The following TSPAN16 variants were observed in gnomAD, a reference collection of about 807,000 sequenced individuals.
The protein encoded by TSPAN16 is tetraspanin-16.
TSPAN16 carries 23 observed loss-of-function variants against 25.2 expected under a neutral mutation model. The observed-to-expected ratio is 0.91, with a 90% CI of 0.66 to 1.29. The LOEUF is 1.29. TSPAN16 is among the 50% of genes most tolerant of loss of function. The pLI, the probability that TSPAN16 is intolerant of heterozygous loss-of-function variation, is 0.00. For synonymous variants in TSPAN16, 123 were observed against 124.4 expected, an observed-to-expected ratio of 0.99 and a Z score of 0.08; for missense variants, 272 against 299.9, an observed-to-expected ratio of 0.91 and a Z score of 0.69.
intron 4 of TSPAN16, among the ~76,000 whole-genome samples, chr19:11,303,207 T>C (rs536753235): frequency 4.6e-4 from 67 of 144,746 alleles, no homozygotes; most frequent in Non-Finnish European, 7.7e-4. Context: ...TTTTGTTCTG[T>C]ACTAAGAAAA....
chr19:11,325,335 C>G (rs780133564), intron 6 of TSPAN16: 1 of 1,132,044 alleles, frequency 8.8e-7, no homozygotes, highest in Non-Finnish European at 1.3e-6. Context: ...CACTGTGGCT[C>G]ACGCCTCGAT....
chr19:11,315,785 T>A lies in TSPAN16; in HGVS notation c.688-6T>A, dbSNP rs2080743481. On this transcript the variant is annotated splice_region_variant and splice_polypyrimidine_tract_variant and intron_variant, in intron 6 of 6. Coordinates refer to ENST00000590327, the MANE Select transcript of TSPAN16 (RefSeq NM_001282509.2). ...GGATCCATGTTTCTTTCTTCACGCA[T>A]TTCAGTTGCCAGGAATTCTTGCCAC... 8.1e-7 allele frequency: 1 copy of A among 1,231,720 alleles called. No individual in the cohort carries two copies. The highest frequency in any genetic ancestry group is 1.6e-5 in the African/African-American group (1 of 64,376). The allele number at this position is 1,231,720 out of a possible 1,614,324, so 76.3% of individuals were successfully genotyped here. A position where few individuals can be genotyped will look rare whatever the true frequency, so the allele number is the denominator to read the frequency against.
intron 6 of TSPAN16, chr19:11,324,812 A>G (rs1291666973): frequency 6.6e-6 from 1 of 152,518 alleles, no homozygotes; most frequent in Non-Finnish European, 1.5e-5. Context: ...GGCTGCTTCA[A>G]TGCTGCTTTT....
At chr19:11,319,668 G>C (rs1222699627), downstream of TSPAN16, among the ~76,000 whole-genome samples, 2 of 152,080 alleles carry the variant, frequency 1.3e-5, no homozygotes, top group African/African-American at 2.4e-5. Context: ...CAGCCAAATG[G>C]AAGTGATAAA....
Position 11,314,581 on chromosome 19 carries a change from T to G in TSPAN16, c.688-1210T>G, listed in dbSNP as rs148452048. On this transcript the variant is annotated intron_variant, in intron 6 of 6. Coordinates refer to ENST00000590327, the MANE Select transcript of TSPAN16 (RefSeq NM_001282509.2). ...ATGTACTTGTAAACTATACAACACC[T>G]TCCTCCCCAAGGATCCCAGCAGGAA... Among the ~76,000 whole-genome samples, 20 of 152,206 alleles carry G rather than the reference T, an allele frequency of 1.3e-4. No homozygotes were observed. In the East Asian group the frequency reaches 3.9e-3, roughly 29 times the overall value.
intron 3 of TSPAN16, among the ~76,000 whole-genome samples, chr19:11,299,748 G>A (rs535417549): frequency 6.6e-6 from 1 of 152,238 alleles, no homozygotes; most frequent in Non-Finnish European, 1.5e-5. Flanking sequence ...GCCGAGGCAG[G>A]TGGATCACCT....
chr19:11,319,555 G>A (rs181224541), downstream of TSPAN16, among the ~76,000 whole-genome samples: 716 of 151,946 alleles, frequency 4.7e-3, 9 homozygotes, highest in Admixed American at 0.026. Context: ...CCGAGATCGC[G>A]CCACTGCACT....
downstream of TSPAN16, among the ~76,000 whole-genome samples, chr19:11,319,141 G>A (rs574541306): frequency 6.6e-6 from 1 of 152,324 alleles, no homozygotes; most frequent in Non-Finnish European, 1.5e-5. Flanking sequence ...TCACTTCAGA[G>A]GTATCAAGTA....
intron 6 of TSPAN16, among the ~76,000 whole-genome samples, chr19:11,314,304 T>C (rs914277468): frequency 1.3e-5 from 2 of 152,184 alleles, no homozygotes; most frequent in Admixed American, 6.6e-5. Flanking sequence ...CTAAAAACCA[T>C]TGAACTGTAT....
downstream of TSPAN16, among the ~76,000 whole-genome samples, chr19:11,316,396 A>G (rs537162723): frequency 4.4e-4 from 67 of 152,152 alleles, no homozygotes; most frequent in Non-Finnish European, 9.1e-4. Context: ...TTGGGATTAC[A>G]GGTGTAAGCC....
chr19:11,307,793 T>A (rs1345567760), intron 5 of TSPAN16: 1 of 152,198 alleles, frequency 6.6e-6, no homozygotes, highest in African/African-American at 2.4e-5. Flanking sequence ...GAGAAAGAAA[T>A]CAACTCTTAT....
chr19:11,313,524 C>T (rs1174796198), intron 6 of TSPAN16, among the ~76,000 whole-genome samples: 1 of 118,302 alleles, frequency 8.5e-6, no homozygotes, highest in Non-Finnish European at 1.6e-5. Flanking sequence ...AAGACTCTGT[C>T]TCAAAAAAAA....
intron 4 of TSPAN16, among the ~76,000 whole-genome samples, chr19:11,304,072 G>A (rs1313627319): frequency 6.6e-6 from 1 of 151,590 alleles, no homozygotes; most frequent in East Asian, 1.9e-4. Flanking sequence ...GTGAGCCACC[G>A]TGCACGGCCA....
intron 6 of TSPAN16, chr19:11,324,894 A>C (rs910843990): frequency 6.5e-6 from 1 of 152,692 alleles, no homozygotes; most frequent in Admixed American, 6.5e-5. Flanking sequence ...TCGTGGGGGC[A>C]GGCTCAGAGA....
At chr19:11,297,673 T>C (rs1327673871) in intron 1 of TSPAN16, among the ~76,000 whole-genome samples, 1 of 152,034 alleles carries the variant, frequency 6.6e-6, no homozygotes, top group African/African-American at 2.4e-5. Context: ...ATTTTTGTAT[T>C]TTTAGTAGAG....
downstream of TSPAN16, among the ~76,000 whole-genome samples, chr19:11,319,908 G>A (rs2080767587): frequency 6.6e-6 from 1 of 152,002 alleles, no homozygotes; most frequent in African/African-American, 2.4e-5. Flanking sequence ...TCCACCTCCC[G>A]GGTTCACGCC....
intron 6 of TSPAN16, chr19:11,325,676 T>C: frequency 8.0e-7 from 1 of 1,252,900 alleles, no homozygotes. Flanking sequence ...CTAAGCCTAG[T>C]TCTGCTCTTT....
At chr19:11,324,552 T>C (rs1280140571) in intron 6 of TSPAN16, 1 of 152,650 alleles carries the variant, frequency 6.6e-6, no homozygotes, top group Admixed American at 6.5e-5. Context: ...CTCCTGGCTC[T>C]GAGGTTAATT....
At chr19:11,300,410 C>G (rs548961911) in intron 3 of TSPAN16, among the ~76,000 whole-genome samples, 2 of 152,090 alleles carry the variant, frequency 1.3e-5, no homozygotes, top group African/African-American at 4.8e-5. Flanking sequence ...GAGGGCTGCT[C>G]CCAGGGGGCA....
Sources: allele counts gnomAD v4.1 joint callset (sites outside exome capture counted in the v4.1 genomes callset), GRCh38; gene constraint gnomAD v4.1.1; transcripts MANE v1.5; gene names NCBI Gene and HGNC (gene_info 2026-07-23, HGNC 2026-07-21).